The following LARP4 variants were observed in gnomAD, a reference collection of about 807,000 sequenced individuals.
LARP4 encodes the protein La ribonucleoprotein 4, also known as la-related protein 4.
A neutral mutation model predicts 92.9 loss-of-function variants in LARP4; 29 were observed. The ratio of observed to expected loss-of-function variants is 0.31; its 90% confidence interval spans 0.23 to 0.43. The LOEUF (loss-of-function observed/expected upper bound fraction) is 0.43. Among genes scored for constraint, LARP4 ranks in the 20% least tolerant of loss-of-function variants. The pLI is 1.00. For missense variants in LARP4, 732 were observed against 860.0 expected, an observed-to-expected ratio of 0.85 and a Z score of 1.86; for synonymous variants, 279 against 284.1, an observed-to-expected ratio of 0.98 and a Z score of 0.18.
chr12:50,411,216 T>G (rs1213819578), intron 1 of LARP4, among the ~76,000 whole-genome samples: 1 of 151,790 alleles, frequency 6.6e-6, no homozygotes, highest in African/African-American at 2.4e-5. Context: ...GATAGTGACT[T>G]GTTCTGTTCT....
chr12:50,415,620 A>G (rs1592819637), intron 1 of LARP4: 1 of 151,876 alleles, frequency 6.6e-6, no homozygotes, highest in Non-Finnish European at 1.5e-5. Context: ...TACATTTGCA[A>G]AATTGCCCAT....
intron 5 of LARP4, among the ~76,000 whole-genome samples, chr12:50,436,824 T>G (rs1406052077): frequency 6.6e-6 from 1 of 152,268 alleles, no homozygotes; most frequent in Non-Finnish European, 1.5e-5. Flanking sequence ...GGAATAGATT[T>G]CCATTTCCAG....
intron 1 of LARP4, among the ~76,000 whole-genome samples, chr12:50,422,864 C>T (rs1438440320): frequency 1.3e-5 from 2 of 150,490 alleles, no homozygotes; most frequent in Admixed American, 6.6e-5. Flanking sequence ...GTCGCCCTGG[C>T]TGGAGTGCCA....
At chr12:50,430,595 A>T (rs1221101000) in intron 4 of LARP4, 25 bp downstream of exon 4, 6 of 1,361,456 alleles carry the variant, frequency 4.4e-6, no homozygotes, top group Non-Finnish European at 5.2e-6. Flanking sequence ...CCTTTATTGA[A>T]TTTTATTAGT....
chr12:50,408,267 A>G (rs1592734378), intron 1 of LARP4, among the ~76,000 whole-genome samples: 1 of 130,478 alleles, frequency 7.7e-6, no homozygotes, highest in Non-Finnish European at 1.5e-5. Context: ...GTGTGATCTC[A>G]GCTCACTGCA....
chr12:50,461,758 A>T (rs1193992976), intron 11 of LARP4, among the ~76,000 whole-genome samples: 1 of 152,018 alleles, frequency 6.6e-6, no homozygotes, highest in African/African-American at 2.4e-5. Flanking sequence ...GGAGTTCAAG[A>T]CCAGCCTGGC....
intron 8 of LARP4, among the ~76,000 whole-genome samples, chr12:50,446,658 A>C (rs922730341): frequency 8.5e-4 from 128 of 150,218 alleles, no homozygotes; most frequent in African/African-American, 3.1e-3. Flanking sequence ...CGAATTCCTG[A>C]CCTTGTGATC....
At chr12:50,451,301 T>C (rs1953144479) in intron 8 of LARP4, among the ~76,000 whole-genome samples, 1 of 152,156 alleles carries the variant, frequency 6.6e-6, no homozygotes, top group Non-Finnish European at 1.5e-5. Flanking sequence ...CAAATACAAG[T>C]GAGATCATGC....
rs554989639 is a variant in LARP4, at chr12:50,447,932, A to G, written c.805-5528A>G. ...GCCCAGGCTGGACTGCAGTGACGCA[A>G]TCTCAGCACATGGCAACCTCTGCCT... On this transcript the variant is annotated intron_variant, in intron 8 of 15. Transcript: ENST00000398473. Among the ~76,000 whole-genome samples the G allele has an allele frequency of 7.9e-5, 12 of 152,098 alleles. No individual in the cohort carries two copies. The South Asian group carries it at 1.5e-3, about 18-fold the overall frequency.
At chr12:50,440,756 C>T (rs762885944) in intron 7 of LARP4, among the ~76,000 whole-genome samples, 2 of 151,892 alleles carry the variant, frequency 1.3e-5, no homozygotes, top group Non-Finnish European at 2.9e-5. Context: ...TGTTTTCTGT[C>T]GATAAGAATA....
At chr12:50,409,712 C>A (rs1344332402) in intron 1 of LARP4, among the ~76,000 whole-genome samples, 2 of 151,292 alleles carry the variant, frequency 1.3e-5, no homozygotes, top group African/African-American at 4.9e-5. Context: ...TTGCAGTGAG[C>A]TGAGATTGTG....
chr12:50,442,955 ATGATGT>A (rs1951451530), intron 8 of LARP4, among the ~76,000 whole-genome samples: 1 of 152,112 alleles, frequency 6.6e-6, no homozygotes, highest in South Asian at 2.1e-4. Context: ...TCCTCTGTCT[ATGATGT>A]TCTTCTCCCT....
intron 1 of LARP4, among the ~76,000 whole-genome samples, chr12:50,411,315 G>A (rs575983083): frequency 6.6e-5 from 10 of 151,816 alleles, no homozygotes; most frequent in African/African-American, 2.4e-4. Flanking sequence ...CTAAGTAGCT[G>A]GGATTACAGG....
At chr12:50,442,489 T>A (rs1593145481) in intron 8 of LARP4, among the ~76,000 whole-genome samples, 1 of 152,206 alleles carries the variant, frequency 6.6e-6, no homozygotes, top group Non-Finnish European at 1.5e-5. Context: ...TTTCCCCCCC[T>A]TAACAATCTG....
intron 1 of LARP4, among the ~76,000 whole-genome samples, chr12:50,419,950 G>A (rs1947460506): frequency 1.3e-5 from 2 of 152,072 alleles, no homozygotes; most frequent in Admixed American, 1.3e-4. Flanking sequence ...TTCTTACAAA[G>A]TTCTAAGAAA....
chr12:50,461,640 G>A (rs1955404495), intron 11 of LARP4, among the ~76,000 whole-genome samples: 1 of 152,072 alleles, frequency 6.6e-6, no homozygotes, highest in Admixed American at 6.6e-5. Flanking sequence ...TTGCCTTATG[G>A]TTTTAATTTC....
In LARP4 at chr12:50,479,402, T is replaced by G. The variant is rs1439474490; in HGVS notation, c.*3538T>G. ...TTTTTTCCTAATTTTTTATATTTCC[T>G]TACAATTTTGGTGGCCATTAATTTA... On this transcript the variant is annotated 3_prime_UTR_variant, in exon 16 of 16. Coordinates refer to ENST00000398473, the MANE Select transcript of LARP4 (RefSeq NM_052879.5). The G allele has an allele frequency of 6.6e-6, 1 of 152,188 alleles. No homozygotes were observed. The highest frequency in any genetic ancestry group is 2.1e-4 in the South Asian group (1 of 4,832). The allele number at this position is 152,188 out of a possible 1,614,324, so 9.4% of individuals were successfully genotyped here.
intron 12 of LARP4, among the ~76,000 whole-genome samples, chr12:50,463,946 C>G (rs918132636): frequency 3.3e-5 from 5 of 152,108 alleles, no homozygotes; most frequent in African/African-American, 1.2e-4. Context: ...AAGTTTCTTT[C>G]AGAGGATGCC....
intron 2 of LARP4, 123 bp downstream of exon 2, chr12:50,428,032 G>A (rs1370007911): frequency 1.7e-5 from 10 of 589,838 alleles, no homozygotes; most frequent in Non-Finnish European, 2.5e-5. Flanking sequence ...GTCTTCCTCT[G>A]TCACCCAGGC....
Sources: gnomAD v4.1 joint callset for allele counts (sites outside exome capture counted in the v4.1 genomes callset) on GRCh38, gnomAD v4.1.1 for gene constraint, MANE v1.5 for transcripts, NCBI Gene and HGNC (gene_info 2026-07-23, HGNC 2026-07-21) for gene names.